The following TTLL5 variants were observed in gnomAD, a reference collection of about 807,000 sequenced individuals.
TTLL5 encodes tubulin tyrosine ligase like 5, also known as tubulin polyglutamylase TTLL5.
In TTLL5, 132 loss-of-function variants were observed where a neutral mutation model predicts 168.4. The ratio of observed to expected loss-of-function variants is 0.78; its 90% CI spans 0.68 to 0.91. The LOEUF is 0.91. Ranked by LOEUF, TTLL5 falls within the 40% of genes least tolerant of loss-of-function variation. TTLL5 has a pLI of 0.00. For missense variants in TTLL5, 1,545 were observed against 1,581.5 expected (o/e 0.98, Z 0.39); for synonymous variants, 546 against 558.6 (o/e 0.98, Z 0.32).
intron 28 of TTLL5, among the ~76,000 whole-genome samples, chr14:75,840,127 C>T (rs1396596504): frequency 6.6e-6 from 1 of 152,022 alleles, no homozygotes; most frequent in Non-Finnish European, 1.5e-5. Flanking sequence ...GTGTCACATC[C>T]AAGAAATCAT....
intron 7 of TTLL5, among the ~76,000 whole-genome samples, chr14:75,704,845 G>C (rs912658692): frequency 5.3e-5 from 8 of 152,162 alleles, no homozygotes; most frequent in Non-Finnish European, 8.8e-5. Context: ...ATATTGTAAG[G>C]GTTTATGTTA....
At chr14:75,714,203 C>T (rs2140188586) in intron 9 of TTLL5, among the ~76,000 whole-genome samples, 1 of 152,242 alleles carries the variant, frequency 6.6e-6, no homozygotes, top group South Asian at 2.1e-4. Context: ...AAAAGTGATA[C>T]TAATTCTTGT....
chr14:75,719,466 T>C lies in TTLL5; in HGVS notation c.843-269T>C, dbSNP rs528870094. 1.5e-4 allele frequency among the ~76,000 whole-genome samples: 23 copies of C among 152,356 alleles called. No individual in the cohort carries two copies. The South Asian group carries it at 4.8e-3, about 32-fold the overall frequency. ...ACACATTGCTTTCACTCTTTCTTGA[T>C]GCATAATTGTTTGGTTAAGAAAGAA... On this transcript the variant is annotated intron_variant, in intron 10 of 31. Coordinates refer to ENST00000298832, the MANE Select transcript of TTLL5 (RefSeq NM_015072.5).
chr14:75,916,085 T>TG (rs1159832293), intron 31 of TTLL5, among the ~76,000 whole-genome samples: 3 of 151,354 alleles, frequency 2.0e-5, no homozygotes, highest in Non-Finnish European at 4.4e-5. Context: ...ATGATCGGGC[T>TG]GCTGTACTCC....
intron 18 of TTLL5, among the ~76,000 whole-genome samples, chr14:75,763,313 T>C (rs8016702): frequency 0.73 from 110,937 of 150,958 alleles, 41,054 homozygotes; most frequent in Admixed American, 0.8. Flanking sequence ...ATAAAATACA[T>C]TGGAACCATT....
intron 31 of TTLL5, among the ~76,000 whole-genome samples, chr14:75,947,890 T>A (rs1388941301): frequency 6.6e-6 from 1 of 150,998 alleles, no homozygotes; most frequent in Non-Finnish European, 1.5e-5. Flanking sequence ...CAGTGAGCTG[T>A]GTTCATGCCA....
chr14:75,704,669 G>C (rs1442865712), intron 7 of TTLL5, among the ~76,000 whole-genome samples: 3 of 152,236 alleles, frequency 2.0e-5, no homozygotes, highest in Non-Finnish European at 4.4e-5. Flanking sequence ...AAAGGAAACA[G>C]GCTTGAAGAT....
At chr14:75,841,478 G>A (rs1210396733) in intron 28 of TTLL5, among the ~76,000 whole-genome samples, 2 of 152,122 alleles carry the variant, frequency 1.3e-5, no homozygotes, top group East Asian at 3.8e-4. Flanking sequence ...GCCTCTTAGA[G>A]TCATTATTTC....
At chr14:75,836,514 A>G (rs576018688) in intron 28 of TTLL5, among the ~76,000 whole-genome samples, 2 of 152,300 alleles carry the variant, frequency 1.3e-5, no homozygotes, top group Admixed American at 6.5e-5. Flanking sequence ...AGTCAAAAAT[A>G]ATTTAATTAT....
intron 31 of TTLL5, among the ~76,000 whole-genome samples, chr14:75,920,004 T>C (rs972975888): frequency 2.6e-5 from 4 of 151,960 alleles, no homozygotes; most frequent in African/African-American, 9.7e-5. Flanking sequence ...GCCTGTAAGT[T>C]CCAGCTACTG....
In TTLL5 at chr14:75,826,296, T is replaced by TACACACACACACACACAC. The variant is rs57519882; in HGVS notation, c.3326+6154_3326+6171dup. Among the ~76,000 whole-genome samples the TACACACACACACACACAC allele has an allele frequency of 2.1e-3, 291 of 139,434 alleles. 2 individuals are homozygous for TACACACACACACACACAC. Among genetic ancestry groups the TACACACACACACACACAC allele is most frequent in the African/African-American group, 6.0e-3 (223 of 36,962 alleles). The allele number at this position is 139,434 out of a possible 152,430, so 91.5% of individuals were successfully genotyped here. A position where few individuals can be genotyped will look rare whatever the true frequency, so the allele number is the denominator to read the frequency against. ...ACCTTCTATTTCCTTAGGATACGCG[T>TACACACACACACACACAC]ACACACACACACACACACACACACA... On this transcript the variant is annotated intron_variant, in intron 28 of 31. Transcript: ENST00000298832.
intron 27 of TTLL5, among the ~76,000 whole-genome samples, chr14:75,813,225 T>TGTG (rs397713824): frequency 6.7e-6 from 1 of 150,158 alleles, no homozygotes. Flanking sequence ...TGTGTGTGTG[T>TGTG]TTCAGACAGG....
Position 75,830,113 on chromosome 14 carries a change from T to C in TTLL5, c.3326+9952T>C, listed in dbSNP as rs571003221. Among the ~76,000 whole-genome samples, 14 of 152,362 alleles carry C rather than the reference T, an allele frequency of 9.2e-5. No individual in the cohort carries two copies. In the South Asian group the frequency reaches 2.1e-3, roughly 23 times the overall value. On this transcript the variant is annotated intron_variant, in intron 28 of 31. Transcript: ENST00000298832. ...CTTCTACCTCTCAAGTCTGAGTCTT[T>C]CTAATTTGTTTTCTGTATTCTAAAT...
At chr14:75,798,721 C>T (rs896981951) in intron 27 of TTLL5, among the ~76,000 whole-genome samples, 4 of 152,094 alleles carry the variant, frequency 2.6e-5, no homozygotes, top group Non-Finnish European at 5.9e-5. Flanking sequence ...CATTGTTGAC[C>T]CAATGACCAT....
At chr14:75,712,136 A>T (rs899912204) in intron 9 of TTLL5, 7 of 152,098 alleles carry the variant, frequency 4.6e-5, no homozygotes, top group African/African-American at 9.7e-5. Context: ...GCGCTTTGGC[A>T]GTCTCCCGGC....
intron 28 of TTLL5, among the ~76,000 whole-genome samples, chr14:75,858,471 C>T (rs1311453153): frequency 3.3e-5 from 5 of 152,138 alleles, no homozygotes; most frequent in African/African-American, 7.2e-5. Flanking sequence ...TAAAGCAATT[C>T]GGCTGCTTAG....
At chr14:75,718,236 A>G (rs1251812324) in intron 10 of TTLL5, among the ~76,000 whole-genome samples, 2 of 152,220 alleles carry the variant, frequency 1.3e-5, no homozygotes, top group Non-Finnish European at 2.9e-5. Flanking sequence ...TAGGAATGGG[A>G]ATTTAATAGG....
chr14:75,683,756 A>G, intron 5 of TTLL5, 100 bp downstream of exon 5: 1 of 980,944 alleles, frequency 1.0e-6, no homozygotes, highest in Admixed American at 2.3e-5. Flanking sequence ...GAGGAAGATG[A>G]AAATGAAGAA....
intron 15 of TTLL5, chr14:75,744,332 C>T (rs1411751422): frequency 6.6e-6 from 1 of 152,222 alleles, no homozygotes; most frequent in Non-Finnish European, 1.5e-5. Context: ...CTTCCTATTT[C>T]TCCACTCGCA....
Sources: gnomAD v4.1 joint callset for allele counts (sites outside exome capture counted in the v4.1 genomes callset) on GRCh38, gnomAD v4.1.1 for gene constraint, MANE v1.5 for transcripts, NCBI Gene and HGNC (gene_info 2026-07-23, HGNC 2026-07-21) for gene names.